WWOX: variants seen among roughly 807,000 people sequenced by gnomAD.
WWOX encodes the protein WW domain containing oxidoreductase.
A neutral mutation model predicts 46.2 loss-of-function variants in WWOX; 69 were observed. The ratio of observed to expected loss-of-function variants is 1.49; its 90% CI spans 1.23 to 1.82. The LOEUF (loss-of-function observed/expected upper bound fraction) is 1.82. WWOX is among the 40% of genes most tolerant of loss of function. The pLI is 0.00. For synonymous variants in WWOX, 359 were observed against 202.6 expected (o/e 1.77, Z -6.56); for missense variants, 919 against 542.6 (o/e 1.69, Z -6.89).
In WWOX at chr16:79,082,093, TCAA is replaced by T. The variant is rs1229816398; in HGVS notation, c.1057-129513_1057-129511del. 2.0e-5 allele frequency among the ~76,000 whole-genome samples: 3 copies of T among 152,158 alleles called. No individual in the cohort carries two copies. In the East Asian group the frequency reaches 5.8e-4, roughly 29 times the overall value. ...CTTGCCAAGCGAAAATACAGCATCA[TCAA>T]CTACATCCTTGAGCCTAGAACCTCT... is the stretch of plus-strand genomic sequence containing the variant. On this transcript the variant is annotated intron_variant, in intron 8 of 8. Coordinates refer to ENST00000566780, the MANE Select transcript of WWOX (RefSeq NM_016373.4).
intron 5 of WWOX, among the ~76,000 whole-genome samples, chr16:78,353,623 G>A (rs567098322): frequency 2.0e-5 from 3 of 152,316 alleles, no homozygotes; most frequent in South Asian, 4.1e-4. Context: ...GGGATAATTA[G>A]TATTATCTTT....
At chr16:78,967,201 G>C (rs879316297) in intron 8 of WWOX, among the ~76,000 whole-genome samples, 1 of 150,812 alleles carries the variant, frequency 6.6e-6, no homozygotes, top group Non-Finnish European at 1.5e-5. Flanking sequence ...GAAGGAAAGA[G>C]GAAAATGCGT....
intron 8 of WWOX, among the ~76,000 whole-genome samples, chr16:78,933,423 A>G (rs1377781273): frequency 2.0e-5 from 3 of 152,184 alleles, no homozygotes; most frequent in Non-Finnish European, 2.9e-5. Flanking sequence ...TGGGCAACAG[A>G]GGGAGACTCC....
chr16:78,543,723 G>A (rs1485981205), intron 8 of WWOX, among the ~76,000 whole-genome samples: 1 of 152,070 alleles, frequency 6.6e-6, no homozygotes, highest in Non-Finnish European at 1.5e-5. Context: ...TCTTGTGGAG[G>A]GAACATCCAT....
chr16:78,910,622 C>G (rs1414106196), intron 8 of WWOX, among the ~76,000 whole-genome samples: 12 of 151,842 alleles, frequency 7.9e-5, no homozygotes, highest in Non-Finnish European at 1.5e-5. Flanking sequence ...ACTCACAATT[C>G]CACATGGCGG....
rs534734965 is a variant in WWOX, at chr16:78,569,940, C to T, written c.1056+137188C>T. On this transcript the variant is annotated intron_variant, in intron 8 of 8. Coordinates refer to ENST00000566780, the MANE Select transcript of WWOX (RefSeq NM_016373.4). The stretch of plus-strand genomic sequence containing the variant: ...TTGTCACATGGTGCTCTTAGAGCTT[C>T]CTCTTTGAATTTCACATGTGATAAG... 3.0e-4 allele frequency among the ~76,000 whole-genome samples: 45 copies of T among 152,260 alleles called. 1 individual carries two copies. The South Asian group carries it at 9.3e-3, about 32-fold the overall frequency.
chr16:78,498,085 G>T (rs2084962027), intron 8 of WWOX, among the ~76,000 whole-genome samples: 1 of 151,578 alleles, frequency 6.6e-6, no homozygotes, highest in Non-Finnish European at 1.5e-5. Context: ...GGCGCCTGTA[G>T]TCCCAGCTAC....
At chr16:79,211,417 G>A (rs149299626) in intron 8 of WWOX, among the ~76,000 whole-genome samples, 191 bp from the exon 9 acceptor site, 13 of 152,140 alleles carry the variant, frequency 8.5e-5, no homozygotes, top group Non-Finnish European at 1.3e-4. Context: ...TTATGAACTC[G>A]TTTTTCCAGG....
intron 8 of WWOX, among the ~76,000 whole-genome samples, chr16:78,980,614 A>C (rs901258333): frequency 6.6e-6 from 1 of 152,184 alleles, no homozygotes; most frequent in Non-Finnish European, 1.5e-5. Context: ...CCTGATGGTA[A>C]GAATGATAAT....
At chr16:78,762,295 A>G (rs984730220) in intron 8 of WWOX, among the ~76,000 whole-genome samples, 9 of 152,216 alleles carry the variant, frequency 5.9e-5, no homozygotes, top group Non-Finnish European at 1.0e-4. Context: ...ATGAACCAGC[A>G]GCTTCAGCAT....
intron 8 of WWOX, among the ~76,000 whole-genome samples, chr16:79,085,254 A>G (rs568856613): frequency 1.3e-5 from 2 of 152,198 alleles, no homozygotes; most frequent in African/African-American, 4.8e-5. Context: ...TTCTCTTTCC[A>G]AACCACCTTC....
At chr16:79,006,768 A>G (rs984462214) in intron 8 of WWOX, among the ~76,000 whole-genome samples, 1 of 152,042 alleles carries the variant, frequency 6.6e-6, no homozygotes, top group Non-Finnish European at 1.5e-5. Context: ...GCCCATCTTC[A>G]TGGACTCAGG....
intron 8 of WWOX, among the ~76,000 whole-genome samples, chr16:78,720,666 T>C (rs1217876796): frequency 6.6e-6 from 1 of 152,112 alleles, no homozygotes; most frequent in Non-Finnish European, 1.5e-5. Flanking sequence ...AGGCTCTGAC[T>C]ATATAACAGA....
At position 79,056,560 on chromosome 16, in the gene WWOX, G is replaced by T. The variant is rs2048266182; in HGVS notation, c.1057-155048G>T. ...AACATGTGGGGTTGGATAATTTTTT[G>T]TTGGGATCTGCCCTGTGCATTGTAG... is the stretch of plus-strand genomic sequence containing the variant. On this transcript the variant is annotated intron_variant, in intron 8 of 8. Transcript: ENST00000566780. 2.0e-5 allele frequency among the ~76,000 whole-genome samples: 3 copies of T among 152,152 alleles called. No homozygotes were observed. The South Asian group carries it at 6.2e-4, about 32-fold the overall frequency.
chr16:78,231,743 A>T (rs191394958), intron 5 of WWOX, among the ~76,000 whole-genome samples: 1 of 152,192 alleles, frequency 6.6e-6, no homozygotes, highest in Non-Finnish European at 1.5e-5. Flanking sequence ...TACGAACTTA[A>T]GGAGTAGCTG....
At position 78,207,761 on chromosome 16, in the gene WWOX, CAA is replaced by C. The variant is rs34715697; in HGVS notation, c.516+43489_516+43490del. On this transcript the variant is annotated intron_variant, in intron 5 of 8. Coordinates refer to ENST00000566780, the MANE Select transcript of WWOX (RefSeq NM_016373.4). ...TGGGTGACAGAGGAAGACCCTATTA[CAA>C]AAAAAAAAAAAAAAAAGGGTCTGTT... Among the ~76,000 whole-genome samples the C allele has an allele frequency of 6.5e-3, 678 of 104,574 alleles. 2 individuals carry two copies. The highest frequency in any genetic ancestry group is 0.016 in the African/African-American group (470 of 29,954). The allele number at this position is 104,574 out of a possible 152,430, so 68.6% of individuals were successfully genotyped here. A position where few individuals can be genotyped will look rare whatever the true frequency, so the allele number is the denominator to read the frequency against.
intron 5 of WWOX, among the ~76,000 whole-genome samples, chr16:78,352,195 C>T (rs773141663): frequency 6.6e-6 from 1 of 152,144 alleles, no homozygotes; most frequent in Non-Finnish European, 1.5e-5. Flanking sequence ...TTCACAGGAG[C>T]CAGAAGTTTG....
intron 5 of WWOX, among the ~76,000 whole-genome samples, chr16:78,235,242 G>A (rs1398344943): frequency 6.6e-6 from 1 of 152,132 alleles, no homozygotes; most frequent in Non-Finnish European, 1.5e-5. Context: ...ATCGAGTGTG[G>A]CTGTGTTTGT....
intron 8 of WWOX, among the ~76,000 whole-genome samples, chr16:78,509,447 A>AG (rs2085302338): frequency 6.6e-6 from 1 of 151,898 alleles, no homozygotes; most frequent in African/African-American, 2.4e-5. Context: ...TCAAAAAAAA[A>AG]AAAATAATAT....
Sources: gnomAD v4.1 joint callset for allele counts (sites outside exome capture counted in the v4.1 genomes callset) on GRCh38, gnomAD v4.1.1 for gene constraint, MANE v1.5 for transcripts, NCBI Gene and HGNC (gene_info 2026-07-23, HGNC 2026-07-21) for gene names.